PDE4D: variants seen among roughly 807,000 people sequenced by gnomAD.
PDE4D encodes phosphodiesterase 4D.
Under a neutral mutation model 87.4 loss-of-function variants are expected in PDE4D, and 24 were observed. The observed-to-expected ratio is 0.27, with a 90% CI of 0.20 to 0.39. PDE4D has a LOEUF of 0.39. Among genes scored for constraint, PDE4D ranks in the 10% least tolerant of loss-of-function variants. The pLI, the probability that PDE4D is intolerant of heterozygous loss-of-function variation, is 1.00. For missense variants in PDE4D, 714 were observed against 1,041.0 expected (o/e 0.69, Z 4.32); for synonymous variants, 384 against 383.2 (o/e 1.00, Z -0.02).
rs1780866492 is a variant in PDE4D at position 59,353,545 on chromosome 5, C to G, written c.456-137577G>C. ...GGCAGATAAATCAGCACCTTGCCCT[C>G]AAAATTAGTACTCATCTTTGTAAGT... On this transcript the variant is annotated intron_variant, in intron 1 of 14. Transcript: ENST00000340635. Among the ~76,000 whole-genome samples the G allele has an allele frequency of 2.6e-5, 4 of 152,250 alleles. No individual in the cohort carries two copies. In the South Asian group the frequency reaches 8.3e-4, roughly 32 times the overall value.
At chr5:59,862,406 C>T (rs1746416255) in intron 1 of PDE4D, among the ~76,000 whole-genome samples, 1 of 152,162 alleles carries the variant, frequency 6.6e-6, no homozygotes, top group Non-Finnish European at 1.5e-5. Flanking sequence ...CTTACCCTGA[C>T]CTCTAAGATA....
At chr5:59,713,621 G>A (rs753513921) in intron 1 of PDE4D, among the ~76,000 whole-genome samples, 51 of 152,148 alleles carry the variant, frequency 3.4e-4, no homozygotes, top group Non-Finnish European at 3.8e-4. Flanking sequence ...GCGAGCCTTT[G>A]GTCCCTGCTG....
chr5:60,161,346 C>A (rs1009238106), intron 2 of PDE4D, among the ~76,000 whole-genome samples: 2 of 152,102 alleles, frequency 1.3e-5, no homozygotes, highest in African/African-American at 2.4e-5. Flanking sequence ...AACTTTATCA[C>A]CCATGTCCCC....
At chr5:59,851,264 C>T (rs1394218616) in intron 1 of PDE4D, among the ~76,000 whole-genome samples, 2 of 152,080 alleles carry the variant, frequency 1.3e-5, no homozygotes, top group Non-Finnish European at 2.9e-5. Context: ...ATCACCCTGA[C>T]TGACTTCTTA....
At chr5:59,008,805 A>T (rs1320889480) in intron 6 of PDE4D, among the ~76,000 whole-genome samples, 1 of 152,136 alleles carries the variant, frequency 6.6e-6, no homozygotes, top group African/African-American at 2.4e-5. Context: ...TTGAGAAGGG[A>T]ATATGTACAA....
chr5:59,997,109 T>C (rs1160807469), intron 2 of PDE4D, among the ~76,000 whole-genome samples: 2 of 152,168 alleles, frequency 1.3e-5, no homozygotes, highest in Non-Finnish European at 2.9e-5. Flanking sequence ...CTTTTGTAAA[T>C]AGCATTGTAC....
intron 1 of PDE4D, among the ~76,000 whole-genome samples, chr5:59,551,892 T>C (rs781774561): frequency 1.3e-5 from 2 of 152,138 alleles, no homozygotes; most frequent in African/African-American, 2.4e-5. Context: ...ATAGGTGTAG[T>C]ATGTTTTTGT....
At chr5:59,902,053 G>T (rs964209033) in intron 3 of PDE4D, among the ~76,000 whole-genome samples, 1 of 151,550 alleles carries the variant, frequency 6.6e-6, no homozygotes, top group Non-Finnish European at 1.5e-5. Context: ...GTGTTTAGCA[G>T]GAAGGACTAT....
chr5:60,449,567 G>A (rs369331082), intron 1 of PDE4D, among the ~76,000 whole-genome samples: 31 of 151,020 alleles, frequency 2.1e-4, no homozygotes, highest in East Asian at 1.4e-3. Flanking sequence ...TGGGTGCAGC[G>A]CACCAGCATG....
intron 5 of PDE4D, among the ~76,000 whole-genome samples, chr5:59,169,971 A>T (rs2153472016): frequency 6.6e-6 from 1 of 152,284 alleles, no homozygotes; most frequent in East Asian, 1.9e-4. Context: ...AACTCAGGGC[A>T]GCGGGGAAGG....
At chr5:59,822,091 C>T (rs189758020) in intron 1 of PDE4D, among the ~76,000 whole-genome samples, 2 of 152,276 alleles carry the variant, frequency 1.3e-5, no homozygotes, top group African/African-American at 2.4e-5. Context: ...TTTGGAATGA[C>T]AGGCTACTGT....
chr5:59,736,057 G>A (rs9292210), intron 1 of PDE4D, among the ~76,000 whole-genome samples: 28,778 of 151,580 alleles, frequency 0.19, 3,295 homozygotes, highest in Middle Eastern at 0.35. Flanking sequence ...TCAAATTTAT[G>A]TGACAAAAAG....
chr5:59,967,975 CTTTTTTTTT>C (rs34199262), intron 3 of PDE4D, among the ~76,000 whole-genome samples: 3 of 52,686 alleles, frequency 5.7e-5, no homozygotes, highest in African/African-American at 2.1e-4. Context: ...GAGCCATATG[CTTTTTTTTT>C]TTTTTTTTTT....
intron 1 of PDE4D, among the ~76,000 whole-genome samples, chr5:59,738,159 A>C (rs1337581250): frequency 6.6e-6 from 1 of 152,156 alleles, no homozygotes; most frequent in Non-Finnish European, 1.5e-5. Flanking sequence ...TAAATGTCTC[A>C]ATTTTTTATA....
chr5:60,179,410 C>T lies in PDE4D; in HGVS notation c.42+6147G>A, dbSNP rs555493620. ...AAGCTTTAAGACTTAAAGGTTTTGG[C>T]GCAGAAGTATTGAACACAATTGATT... On this transcript the variant is annotated intron_variant, in intron 2 of 16. Coordinates refer to the PDE4D transcript ENST00000502484. Among the ~76,000 whole-genome samples, 721 of 152,028 alleles carry T rather than the reference C, an allele frequency of 4.7e-3. 9 individuals carry two copies. Among genetic ancestry groups the T allele is most frequent in the African/African-American group, 0.016 (649 of 41,482 alleles).
At chr5:60,235,099 T>C (rs1001825186) in intron 1 of PDE4D, among the ~76,000 whole-genome samples, 2 of 151,880 alleles carry the variant, frequency 1.3e-5, no homozygotes, top group Non-Finnish European at 2.9e-5. Flanking sequence ...AAATTATCAA[T>C]TAAAATGTGT....
At chr5:59,156,320 A>AAAAAATATATATAT (rs548335725) in intron 5 of PDE4D, among the ~76,000 whole-genome samples, 17 of 81,766 alleles carry the variant, frequency 2.1e-4, no homozygotes, top group African/African-American at 5.6e-4. Context: ...AAAAAAAAAA[A>AAAAAATATATATAT]ATATATATAT....
intron 2 of PDE4D, among the ~76,000 whole-genome samples, chr5:60,010,853 T>C (rs1211318477): frequency 6.6e-6 from 1 of 152,164 alleles, no homozygotes; most frequent in East Asian, 1.9e-4. Context: ...ATTCAGTTAT[T>C]GGTATTATCT....
At chr5:60,519,146 G>A (rs1334257606) in intron 1 of PDE4D, among the ~76,000 whole-genome samples, 1 of 152,200 alleles carries the variant, frequency 6.6e-6, no homozygotes, top group Admixed American at 6.5e-5. Flanking sequence ...CGAACTTGAA[G>A]TACTTATTTA....
Sources: allele counts gnomAD v4.1 joint callset (sites outside exome capture counted in the v4.1 genomes callset), GRCh38; gene constraint gnomAD v4.1.1; transcripts MANE v1.5; gene names NCBI Gene and HGNC (gene_info 2026-07-23, HGNC 2026-07-21).